The following GNB5 variants were observed in gnomAD, a reference collection of about 807,000 sequenced individuals.
The protein encoded by GNB5 is guanine nucleotide-binding protein subunit beta-5.
A neutral mutation model predicts 55.3 loss-of-function variants in GNB5; 37 were observed. The ratio of observed to expected loss-of-function variants is 0.67; its 90% CI spans 0.51 to 0.88. The LOEUF (loss-of-function observed/expected upper bound fraction) is 0.88, where lower values mean the gene tolerates loss of function less well. Ranked by LOEUF, GNB5 falls within the 40% of genes least tolerant of loss-of-function variation. The probability of loss-of-function intolerance (pLI) is 0.00; values close to 1 mark genes in which losing one functional copy is unlikely to be tolerated. For synonymous variants in GNB5, 219 were observed against 198.5 expected (o/e 1.10, Z -0.87); for missense variants, 476 against 515.3 (o/e 0.92, Z 0.74).
intron 3 of GNB5, among the ~76,000 whole-genome samples, chr15:52,169,097 A>T (rs534585847): frequency 1.4e-4 from 22 of 152,310 alleles, no homozygotes; most frequent in African/African-American, 5.1e-4. Flanking sequence ...GCCAGTGTGG[A>T]CGAATCACTT....
chr15:52,173,387 T>C (rs1020944978), intron 3 of GNB5, among the ~76,000 whole-genome samples: 2 of 152,188 alleles, frequency 1.3e-5, no homozygotes, highest in African/African-American at 4.8e-5. Flanking sequence ...TTTACTGCTT[T>C]TTATAATAAG....
At chr15:52,167,165 T>C (rs939519579) in intron 3 of GNB5, among the ~76,000 whole-genome samples, 2 of 152,118 alleles carry the variant, frequency 1.3e-5, no homozygotes, top group Admixed American at 6.6e-5. Flanking sequence ...TAATGAGGTC[T>C]GAAATTAAGG....
At chr15:52,147,224 A>G in intron 6 of GNB5, 1 of 367,350 alleles carries the variant, frequency 2.7e-6, no homozygotes, top group South Asian at 3.3e-5. Context: ...GGTGGACTTG[A>G]ACTCCTGGGC....
At chr15:52,179,089 G>A (rs964940353) in intron 3 of GNB5, among the ~76,000 whole-genome samples, 1 of 152,212 alleles carries the variant, frequency 6.6e-6, no homozygotes, top group Non-Finnish European at 1.5e-5. Flanking sequence ...CTGAATTACG[G>A]TGGTGGTGGT....
At chr15:52,151,866 G>A (rs1319699274) in intron 4 of GNB5, among the ~76,000 whole-genome samples, 4 of 152,048 alleles carry the variant, frequency 2.6e-5, no homozygotes, top group African/African-American at 9.7e-5. Flanking sequence ...AGTGCTTTCA[G>A]AGGCTGAGGC....
At chr15:52,177,185 C>T (rs1253942526) in intron 3 of GNB5, among the ~76,000 whole-genome samples, 1 of 151,838 alleles carries the variant, frequency 6.6e-6, no homozygotes, top group African/African-American at 2.4e-5. Context: ...CAGGCACCTG[C>T]CACCATGCCC....
chr15:52,158,292 C>T (rs1056137440), intron 3 of GNB5, among the ~76,000 whole-genome samples: 4 of 152,090 alleles, frequency 2.6e-5, no homozygotes, highest in African/African-American at 9.7e-5. Flanking sequence ...TGTGGGGTTG[C>T]GGGGACAACT....
chr15:52,128,471 T>C (rs2033484649), intron 9 of GNB5: 1 of 616,990 alleles, frequency 1.6e-6, no homozygotes, highest in East Asian at 2.8e-5. Flanking sequence ...TAATATGTGT[T>C]GATATCAGGC....
intron 11 of GNB5, 73 bp downstream of exon 11, chr15:52,125,875 C>T (rs973126413): frequency 8.5e-5 from 59 of 696,622 alleles, no homozygotes; most frequent in Non-Finnish European, 9.7e-5. Context: ...AGGAACTGAG[C>T]GATGATGGAG....
At chr15:52,128,115 A>G in intron 10 of GNB5, 81 bp downstream of exon 10, 1 of 937,450 alleles carries the variant, frequency 1.1e-6, no homozygotes, top group East Asian at 2.4e-5. Flanking sequence ...TTCTGTAACC[A>G]GAAAAATAGT....
intron 7 of GNB5, 96 bp from the exon 8 acceptor site, chr15:52,135,852 A>AACACACACACGAAC: frequency 1.8e-6 from 1 of 551,022 alleles, no homozygotes; most frequent in Non-Finnish European, 3.0e-6. Flanking sequence ...GGAAAAGCAG[A>AACACACACACGAAC]ACACACACAC....
intron 3 of GNB5, among the ~76,000 whole-genome samples, chr15:52,170,363 C>A (rs901660153): frequency 6.6e-6 from 1 of 152,088 alleles, no homozygotes; most frequent in African/African-American, 2.4e-5. Context: ...ACATACATAC[C>A]ATGGAATACT....
chr15:52,125,782 G>A (rs2141182979), intron 11 of GNB5, 166 bp downstream of exon 11: 2 of 587,324 alleles, frequency 3.4e-6, no homozygotes, highest in Admixed American at 5.8e-5. Context: ...GACAAAGTGG[G>A]AGGTCAGAAG....
Position 52,184,600 on chromosome 15 carries a change from A to T in GNB5, c.77T>A (p.Val26Asp), listed in dbSNP as rs1178560874. 6 of 1,613,472 alleles carry T rather than the reference A, an allele frequency of 3.7e-6. No homozygotes were observed. In the East Asian group the frequency reaches 1.3e-4, roughly 36 times the overall value. The change falls in exon 2 of 13, where the codon GTT (valine) becomes GAT (aspartate). Residue 26 changes from valine to aspartate, a missense_variant. By Grantham distance (152) the Val-to-Asp change is radical (BLOSUM62 -3). Transcript: ENST00000261837. ...GCTGAGTTGTTGAGACTTCTTGAAAACTGGTCTCAGAGCTCGTTGTTTGAA... is the reference window on the plus strand; with the variant it reads ...GCTGAGTTGTTGAGACTTCTTGAAATCTGGTCTCAGAGCTCGTTGTTTGAA... ...KCFKQRALRPVFKKSQQLSYC... is the reference protein window; with the variant it reads ...KCFKQRALRPDFKKSQQLSYC...
chr15:52,132,698 C>T (rs2033610547), intron 9 of GNB5, among the ~76,000 whole-genome samples: 1 of 147,760 alleles, frequency 6.8e-6, no homozygotes, highest in Admixed American at 6.8e-5. Context: ...GTCTCGAACT[C>T]CTGGGCTCAA....
Position 52,115,922 on chromosome 15 carries a change from TACA to T in GNB5, c.*6832_*6834del, listed in dbSNP as rs1416930161. ...AGGACCTTTCATATACATGGAATCC[TACA>T]ACATGTGGCTCTTTGTCTCTGGTTT... On this transcript the variant is annotated 3_prime_UTR_variant, in exon 13 of 13. Coordinates refer to ENST00000261837, the MANE Select transcript of GNB5 (RefSeq NM_016194.4). The T allele has an allele frequency of 1.3e-5, 2 of 152,370 alleles. No individual in the cohort carries two copies. The highest frequency in any genetic ancestry group is 2.1e-4 in the South Asian group (1 of 4,824). The allele number at this position is 152,370 out of a possible 1,614,324, so 9.4% of individuals were successfully genotyped here.
At chr15:52,139,637 C>T in intron 7 of GNB5, 1 of 297,140 alleles carries the variant, frequency 3.4e-6, no homozygotes, top group East Asian at 1.1e-4. Flanking sequence ...AATTCAAACG[C>T]TGTCTAGGAT....
chr15:52,154,881 A>G (rs372878482), intron 3 of GNB5, among the ~76,000 whole-genome samples: 14 of 152,350 alleles, frequency 9.2e-5, no homozygotes, highest in Middle Eastern at 3.4e-3. Context: ...CCAAAAGTCA[A>G]TCTCTCAGGG....
intron 3 of GNB5, among the ~76,000 whole-genome samples, chr15:52,169,700 C>T (rs1183501373): frequency 6.6e-6 from 1 of 151,908 alleles, no homozygotes; most frequent in African/African-American, 2.4e-5. Flanking sequence ...GTAATTGCAA[C>T]ACAAGCAAAA....
Sources: gnomAD v4.1 joint callset for allele counts (sites outside exome capture counted in the v4.1 genomes callset) on GRCh38, gnomAD v4.1.1 for gene constraint, MANE v1.5 for transcripts, NCBI Gene and HGNC (gene_info 2026-07-23, HGNC 2026-07-21) for gene names.